LZTFL1: variants seen among roughly 807,000 people sequenced by gnomAD.
LZTFL1 encodes the protein leucine zipper transcription factor-like protein 1.
A neutral mutation model predicts 45.9 loss-of-function variants in LZTFL1; 25 were observed. The observed-to-expected ratio is 0.54, with a 90% confidence interval of 0.40 to 0.76. The LOEUF is 0.76. Among genes scored for constraint, LZTFL1 ranks in the 30% least tolerant of loss-of-function variants. The pLI is 0.00. For synonymous variants in LZTFL1, 93 were observed against 117.4 expected, an observed-to-expected ratio of 0.79 and a Z score of 1.35; for missense variants, 277 against 331.1, an observed-to-expected ratio of 0.84 and a Z score of 1.27.
At chr3:45,846,152 T>C (rs897698659), upstream of LZTFL1, among the ~76,000 whole-genome samples, 8 of 152,224 alleles carry the variant, frequency 5.3e-5, no homozygotes, top group Non-Finnish European at 1.0e-4. Flanking sequence ...GCCCTGGACA[T>C]GCCCTCTCTT....
At chr3:45,842,680 C>CA (rs903723728), upstream of LZTFL1, among the ~76,000 whole-genome samples, 2 of 152,080 alleles carry the variant, frequency 1.3e-5, no homozygotes, top group African/African-American at 4.8e-5. Flanking sequence ...AAAAAAAATG[C>CA]AAAAAGCATG....
intron 2 of LZTFL1, among the ~76,000 whole-genome samples, chr3:45,861,909 A>G (rs1290417793): frequency 6.6e-6 from 1 of 152,160 alleles, no homozygotes; most frequent in African/African-American, 2.4e-5. Context: ...GAAAACCAAG[A>G]TCCAAAAAAG....
At chr3:45,894,007 C>A (rs1047344109) in intron 2 of LZTFL1, among the ~76,000 whole-genome samples, 1 of 152,070 alleles carries the variant, frequency 6.6e-6, no homozygotes, top group Non-Finnish European at 1.5e-5. Context: ...CTATTTTTTT[C>A]GAGAACCTTG....
At position 45,853,065 on chromosome 3, in the gene LZTFL1, G is replaced by A. The variant is rs547904265; in HGVS notation, c.-49+1921C>T. 2.6e-5 allele frequency among the ~76,000 whole-genome samples: 4 copies of A among 152,226 alleles called. No homozygotes were observed. The South Asian group carries it at 6.2e-4, about 24-fold the overall frequency. ...TTTTCTCCAGATGGCTGAAGAGACCGAGGCCTTTCACACTGAAGGTGGGGT... is the reference window on the plus strand; with the variant it reads ...TTTTCTCCAGATGGCTGAAGAGACCAAGGCCTTTCACACTGAAGGTGGGGT... On this transcript the variant is annotated intron_variant, in intron 4 of 4. Coordinates refer to the LZTFL1 transcript ENST00000472635.
At chr3:45,866,527 T>C (rs761288969) in intron 2 of LZTFL1, among the ~76,000 whole-genome samples, 1 of 152,180 alleles carries the variant, frequency 6.6e-6, no homozygotes, top group Non-Finnish European at 1.5e-5. Context: ...GGAAAAGCAA[T>C]TGTGGGATAA....
intron 2 of LZTFL1, chr3:45,897,420 G>A: frequency 1.5e-6 from 1 of 663,406 alleles, no homozygotes; most frequent in East Asian, 2.8e-5. Flanking sequence ...TATGCCCCCT[G>A]GGCTTCCAGC....
At chr3:45,897,924 T>C (rs1006728094) in intron 2 of LZTFL1, among the ~76,000 whole-genome samples, 2 of 148,822 alleles carry the variant, frequency 1.3e-5, no homozygotes, top group African/African-American at 2.5e-5. Flanking sequence ...TGCGATTTGC[T>C]TCACAGCCGT....
intron 2 of LZTFL1, chr3:45,897,508 G>A (rs1045507079): frequency 5.0e-6 from 6 of 1,200,776 alleles, no homozygotes; most frequent in Middle Eastern, 1.9e-4. Context: ...GAGAAAGCTG[G>A]GTCACCCAGG....
chr3:45,909,764 A>C (rs1702756998), intron 2 of LZTFL1, among the ~76,000 whole-genome samples: 1 of 152,226 alleles, frequency 6.6e-6, no homozygotes, highest in Non-Finnish European at 1.5e-5. Flanking sequence ...GCACTTTCTC[A>C]GGGGGGTAAT....
At chr3:45,841,700 A>T in intron 1 of LZTFL1, 1 of 558,234 alleles carries the variant, frequency 1.8e-6, no homozygotes, top group Non-Finnish European at 3.2e-6. Context: ...CTCACCTGCC[A>T]CCTAAGAGTT....
At position 45,830,940 on chromosome 3, in the gene LZTFL1, A is replaced by G. The variant is rs1700796785; in HGVS notation, c.573T>C (p.Asp191=). 1 of 1,613,930 alleles carries G rather than the reference A, an allele frequency of 6.2e-7. No individual in the cohort carries two copies. Among genetic ancestry groups the G allele is most frequent in the Non-Finnish European group, 8.5e-7 (1 of 1,179,978 alleles). Residue 191 remains aspartate, a synonymous_variant, in exon 7 of 10, where the codon GAT becomes GAC. Coordinates refer to ENST00000296135, the MANE Select transcript of LZTFL1 (RefSeq NM_020347.4). ...TTTGATTTCCTTGATCAAGCTGTAA[A>G]TCTTGCAGTGCTTTTTCTAGTTTTG... The part of the protein sequence containing the change: ...EKSKLEKALQ[D]LQLDQGNQKD...
intron 2 of LZTFL1, among the ~76,000 whole-genome samples, chr3:45,865,074 A>G (rs1701555475): frequency 6.6e-6 from 1 of 152,182 alleles, no homozygotes; most frequent in South Asian, 2.1e-4. Flanking sequence ...TTACATTTCC[A>G]CTGACCGTTC....
intron 2 of LZTFL1, among the ~76,000 whole-genome samples, chr3:45,907,239 TC>T (rs1702700954): frequency 6.6e-6 from 1 of 152,190 alleles, no homozygotes; most frequent in East Asian, 1.9e-4. Flanking sequence ...TCCCTAAGCC[TC>T]CTCCCCTGCC....
At chr3:45,864,387 T>C (rs913349798) in intron 2 of LZTFL1, among the ~76,000 whole-genome samples, 20 of 152,212 alleles carry the variant, frequency 1.3e-4, no homozygotes, top group African/African-American at 4.8e-4. Context: ...TTTATAACTT[T>C]TCTTCACTTA....
In LZTFL1 at chr3:45,901,402, A is replaced by G; in HGVS notation, c.-215+11718T>C. 2 of 1,614,202 alleles carry G rather than the reference A, an allele frequency of 1.2e-6. No homozygotes were observed. The highest frequency in any genetic ancestry group is 1.7e-6 in the Non-Finnish European group (2 of 1,180,042). On this transcript the variant is annotated intron_variant, in intron 2 of 4. Transcript: ENST00000472635. This position sits in a 1 kb window ranked among gnomAD's most constrained non-coding sequence, Gnocchi z 4.3. ...ATCTGCACCATGGTTTACCCTAGCG[A>G]TGAGAGCACCAAACTGAAGTCAGCT... is the stretch of plus-strand genomic sequence containing the variant.
chr3:45,897,266 G>T (rs893053642), intron 2 of LZTFL1, among the ~76,000 whole-genome samples: 3 of 152,150 alleles, frequency 2.0e-5, no homozygotes, highest in Non-Finnish European at 4.4e-5. Context: ...TTCCTCTCGT[G>T]GTCCTGACAA....
intron 7 of LZTFL1, among the ~76,000 whole-genome samples, chr3:45,830,412 T>C (rs1700783066): frequency 1.3e-5 from 2 of 152,216 alleles, no homozygotes; most frequent in African/African-American, 4.8e-5. Flanking sequence ...TACTCTATGG[T>C]GCCGGCGGGT....
At chr3:45,862,587 G>A (rs188740062) in intron 2 of LZTFL1, among the ~76,000 whole-genome samples, 115 of 152,328 alleles carry the variant, frequency 7.5e-4, no homozygotes, top group Middle Eastern at 6.8e-3. Context: ...CTGAGGGACC[G>A]TCTGACATGG....
chr3:45,893,156 T>G (rs1702243699), intron 2 of LZTFL1, among the ~76,000 whole-genome samples: 1 of 149,196 alleles, frequency 6.7e-6, no homozygotes, highest in African/African-American at 2.5e-5. Flanking sequence ...TCTCTCTCTC[T>G]CTTTTTTTTT....
Sources: allele counts gnomAD v4.1 joint callset (sites outside exome capture counted in the v4.1 genomes callset), GRCh38; gene constraint gnomAD v4.1.1; non-coding constraint Gnocchi (gnomAD v3.1); transcripts MANE v1.5; gene names NCBI Gene and HGNC (gene_info 2026-07-23, HGNC 2026-07-21).